The following SCAPER variants were observed in gnomAD, a reference collection of about 807,000 sequenced individuals.
The protein encoded by SCAPER is S-phase cyclin A associated protein in the ER.
SCAPER carries 98 observed loss-of-function variants against 182.2 expected under a neutral mutation model. The ratio of observed to expected loss-of-function variants is 0.54; its 90% confidence interval spans 0.46 to 0.64. The LOEUF (loss-of-function observed/expected upper bound fraction) is 0.64. Ranked by LOEUF, SCAPER falls within the 30% of genes least tolerant of loss-of-function variation. The probability of loss-of-function intolerance (pLI) is 0.00; values close to 1 mark genes in which losing one functional copy is unlikely to be tolerated. For synonymous variants in SCAPER, 605 were observed against 564.6 expected (o/e 1.07, Z -1.01); for missense variants, 1,432 against 1,690.0 (o/e 0.85, Z 2.68).
intron 20 of SCAPER, among the ~76,000 whole-genome samples, chr15:76,679,688 T>G (rs186603821): frequency 6.6e-6 from 1 of 152,182 alleles, no homozygotes; most frequent in Non-Finnish European, 1.5e-5. Flanking sequence ...AGCCATCCAC[T>G]GATAAGGATG....
In SCAPER at chr15:76,857,891, G is replaced by GA; in HGVS notation, c.125-13dup. On this transcript the variant is annotated splice_polypyrimidine_tract_variant and intron_variant, in intron 3 of 31. Transcript: ENST00000563290. ...ACATTTAGGTTTTCCTTCAAGGCAA[G>GA]AAAAAAATAAATATGTAGATATACA... 6.6e-7 allele frequency: 1 copy of GA among 1,526,262 alleles called. No individual in the cohort carries two copies. The highest frequency in any genetic ancestry group is 2.0e-5 in the Admixed American group (1 of 50,180). The allele number at this position is 1,526,262 out of a possible 1,614,324, so 94.5% of individuals were successfully genotyped here. A position where few individuals can be genotyped will look rare whatever the true frequency, so the allele number is the denominator to read the frequency against.
chr15:76,799,575 T>C (rs931958272), intron 7 of SCAPER, among the ~76,000 whole-genome samples: 3 of 152,240 alleles, frequency 2.0e-5, no homozygotes, highest in Admixed American at 6.5e-5. Flanking sequence ...ATTTCAAACA[T>C]ATCCACAATG....
chr15:76,827,320 A>C (rs988887038), intron 5 of SCAPER, among the ~76,000 whole-genome samples: 2 of 152,200 alleles, frequency 1.3e-5, no homozygotes, highest in East Asian at 3.8e-4. Context: ...ATACGTCTCC[A>C]CTTGGAATCC....
At chr15:76,585,869 T>C (rs2048615595) in intron 22 of SCAPER, among the ~76,000 whole-genome samples, 1 of 152,172 alleles carries the variant, frequency 6.6e-6, no homozygotes, top group South Asian at 2.1e-4. Flanking sequence ...TATATTTTCC[T>C]CACAGTGCAA....
intron 4 of SCAPER, among the ~76,000 whole-genome samples, chr15:76,848,377 G>A (rs1471385452): frequency 6.8e-6 from 1 of 146,110 alleles, no homozygotes; most frequent in Non-Finnish European, 1.5e-5. Context: ...CGCCCAGGCT[G>A]GAGTGCAGTG....
At chr15:76,626,448 G>A (rs2052578964) in intron 21 of SCAPER, among the ~76,000 whole-genome samples, 1 of 152,228 alleles carries the variant, frequency 6.6e-6, no homozygotes, top group Non-Finnish European at 1.5e-5. Context: ...CACGTTCGGT[G>A]GCTCACGCCT....
intron 25 of SCAPER, among the ~76,000 whole-genome samples, chr15:76,445,477 T>G (rs966088172): frequency 6.6e-6 from 1 of 152,170 alleles, no homozygotes; most frequent in Non-Finnish European, 1.5e-5. Context: ...CTGACACTGT[T>G]CTGATGGGGG....
intron 6 of SCAPER, among the ~76,000 whole-genome samples, 194 bp from the exon 7 acceptor site, chr15:76,800,558 T>C (rs957276453): frequency 6.6e-6 from 1 of 152,184 alleles, no homozygotes; most frequent in Non-Finnish European, 1.5e-5. Flanking sequence ...TGAGAAATCA[T>C]AGTTGATAAA....
Position 76,756,887 on chromosome 15 carries a change from A to T in SCAPER, c.1726-2939T>A, listed in dbSNP as rs538306113. On this transcript the variant is annotated intron_variant, in intron 14 of 31. Coordinates refer to ENST00000563290, the MANE Select transcript of SCAPER (RefSeq NM_020843.4). ...CTTGCTCAGGGAATCATAGCTTATT[A>T]TATGATAAAATCAAGATTTAAACTT... Among the ~76,000 whole-genome samples the T allele has an allele frequency of 3.9e-5, 6 of 152,348 alleles. No homozygotes were observed. The South Asian group carries it at 1.2e-3, about 32-fold the overall frequency.
chr15:76,489,465 C>T (rs188530871), intron 24 of SCAPER, among the ~76,000 whole-genome samples: 371 of 151,748 alleles, frequency 2.4e-3, no homozygotes, highest in Middle Eastern at 0.017. Flanking sequence ...TCTCCCAACC[C>T]TTGTTTTCTA....
chr15:76,873,898 CTTT>C (rs559728517), intron 2 of SCAPER, among the ~76,000 whole-genome samples: 3 of 144,478 alleles, frequency 2.1e-5, no homozygotes, highest in Non-Finnish European at 1.5e-5. Context: ...TTTTCTTCTT[CTTT>C]TTTTTTTTTT....
At chr15:76,592,086 T>TCTAC (rs2049159688) in intron 22 of SCAPER, among the ~76,000 whole-genome samples, 1 of 151,736 alleles carries the variant, frequency 6.6e-6, no homozygotes, top group South Asian at 2.1e-4. Flanking sequence ...TATCTATCTA[T>TCTAC]CTACCTACCT....
At chr15:76,710,894 T>C (rs984061113) in intron 17 of SCAPER, among the ~76,000 whole-genome samples, 2 of 152,124 alleles carry the variant, frequency 1.3e-5, no homozygotes, top group Non-Finnish European at 1.5e-5. Context: ...CATATAGATA[T>C]CAATATAACA....
intron 29 of SCAPER, among the ~76,000 whole-genome samples, chr15:76,364,032 T>C (rs2041636631): frequency 6.6e-6 from 1 of 152,172 alleles, no homozygotes; most frequent in African/African-American, 2.4e-5. Context: ...TTGCTTAATC[T>C]GATACCTTGG....
intron 22 of SCAPER, among the ~76,000 whole-genome samples, chr15:76,600,702 G>A (rs528489744): frequency 5.0e-5 from 6 of 118,856 alleles, no homozygotes; most frequent in African/African-American, 1.5e-4. Flanking sequence ...TGCCCACCTC[G>A]GCCTCCCAAA....
chr15:76,803,292 T>A (rs1203816647), intron 6 of SCAPER, among the ~76,000 whole-genome samples: 1 of 152,324 alleles, frequency 6.6e-6, no homozygotes, highest in Middle Eastern at 3.4e-3. Flanking sequence ...GTTAGCATTA[T>A]CTCGAATTAC....
In SCAPER at chr15:76,665,738, C is replaced by T. The variant is rs561406305; in HGVS notation, c.2560G>A (p.Ala854Thr). 6.4e-7 allele frequency: 1 copy of T among 1,554,896 alleles called. No homozygotes were observed. Among genetic ancestry groups the T allele is most frequent in the Admixed American group, 2.0e-5 (1 of 50,972 alleles). The part of the protein sequence containing the change: ...YIIDIVVEST[A>T]PAEALKDGEE... The stretch of plus-strand genomic sequence containing the variant: ...CCATCTTTCAAAGCTTCTGCTGGAG[C>T]TGTACTTTCAACCACAATGTCAATA... The change falls in exon 21 of 32, where the codon GCT (alanine) becomes ACT (threonine). Residue 854 changes from alanine (A) to threonine (T), a missense_variant. Around this residue, in one of 5 missense-constraint regions of SCAPER, gnomAD observed 718 missense variants for 799.7 expected, o/e 0.90. Transcript: ENST00000563290.
chr15:76,776,653 T>C (rs2063761092), intron 8 of SCAPER, among the ~76,000 whole-genome samples: 1 of 152,216 alleles, frequency 6.6e-6, no homozygotes, highest in Non-Finnish European at 1.5e-5. Flanking sequence ...GGAGCCAGGA[T>C]CCCACCCCAA....
At chr15:76,441,590 G>A (rs571441895) in intron 25 of SCAPER, among the ~76,000 whole-genome samples, 19 of 152,000 alleles carry the variant, frequency 1.3e-4, no homozygotes, top group Non-Finnish European at 2.1e-4. Flanking sequence ...TCTCTTGCTC[G>A]CATTCTGGTA....
Sources: allele counts gnomAD v4.1 joint callset (sites outside exome capture counted in the v4.1 genomes callset), GRCh38; gene constraint gnomAD v4.1.1; regional missense constraint gnomAD v4.1.1; transcripts MANE v1.5; gene names NCBI Gene and HGNC (gene_info 2026-07-23, HGNC 2026-07-21).